Variants in GPI observed in about 807,000 individuals in gnomAD.
GPI encodes the protein glucose-6-phosphate isomerase, also known as D-hexose-6-phosphate anomerase.
Under a neutral mutation model 75.8 loss-of-function variants are expected in GPI, and 56 were observed. That is an observed-to-expected ratio of 0.74 (90% CI 0.60 to 0.92). The LOEUF (loss-of-function observed/expected upper bound fraction) is 0.92. GPI is among the 40% of genes least tolerant of loss of function. The probability of loss-of-function intolerance (pLI) is 0.00; values close to 1 mark genes in which losing one functional copy is unlikely to be tolerated. For synonymous variants in GPI, 288 were observed against 285.4 expected, an observed-to-expected ratio of 1.01 and a Z score of -0.09; for missense variants, 638 against 741.0, an observed-to-expected ratio of 0.86 and a Z score of 1.61.
intron 7 of GPI, 129 bp downstream of exon 7, chr19:34,379,134 G>C (rs1316641372): frequency 2.5e-6 from 2 of 805,236 alleles, no homozygotes; most frequent in Non-Finnish European, 4.4e-6. Flanking sequence ...GCCGGTGCCT[G>C]CCTTTGCTAG....
At chr19:34,373,162 G>A (rs139175316) in intron 4 of GPI, among the ~76,000 whole-genome samples, 51 of 151,780 alleles carry the variant, frequency 3.4e-4, no homozygotes, top group Middle Eastern at 3.4e-3. Context: ...CGAGGTGGGC[G>A]GATCACTTCA....
At chr19:34,362,806 A>G (rs1374174232), upstream of GPI, among the ~76,000 whole-genome samples, 2 of 152,212 alleles carry the variant, frequency 1.3e-5, no homozygotes, top group African/African-American at 4.8e-5. Context: ...GCTTAACACC[A>G]TAAAAAGCAG....
chr19:34,368,013 TG>T (rs8191366), intron 3 of GPI, among the ~76,000 whole-genome samples: 22 of 152,324 alleles, frequency 1.4e-4, no homozygotes, highest in Middle Eastern at 3.4e-3. Flanking sequence ...CTCTGTCTAA[TG>T]GGTTCAGGCG....
rs1464342202 is a variant in GPI, at chr19:34,393,777, T to A, written c.909+6T>A. 1.2e-6 allele frequency: 2 copies of A among 1,612,784 alleles called. No homozygotes were observed. Among genetic ancestry groups the A allele is most frequent in the Admixed American group, 3.3e-5 (2 of 60,002 alleles). ...TCTCGGGGGCTCACTGGATGGTGAG[T>A]GCTGAGGCTGGTTCTCTGCCAAGTG... On this transcript the variant is annotated splice_donor_region_variant and intron_variant, in intron 11 of 17. Transcript: ENST00000356487. This position sits in a 1 kb window ranked among gnomAD's most constrained non-coding sequence, Gnocchi z 4.4.
At chr19:34,375,614 A>C (rs1280717190) in intron 4 of GPI, among the ~76,000 whole-genome samples, 10 of 152,202 alleles carry the variant, frequency 6.6e-5, no homozygotes, top group Non-Finnish European at 7.3e-5. Flanking sequence ...CCCCCTCTAA[A>C]GTGTCCCATA....
intron 4 of GPI, among the ~76,000 whole-genome samples, chr19:34,376,319 G>GC (rs2074535280): frequency 6.6e-6 from 1 of 152,188 alleles, no homozygotes; most frequent in Non-Finnish European, 1.5e-5. Context: ...GCTTTGGGAG[G>GC]CCGAGGCAGG....
chr19:34,391,339 G>A (rs551774216), intron 9 of GPI, among the ~76,000 whole-genome samples: 4 of 61,226 alleles, frequency 6.5e-5, no homozygotes, highest in Non-Finnish European at 1.5e-4. Context: ...CCATGTCTGA[G>A]GAGTTACCAT....
intron 3 of GPI, among the ~76,000 whole-genome samples, chr19:34,368,185 TTCCGGGA>T: frequency 6.6e-6 from 1 of 152,328 alleles, no homozygotes; most frequent in South Asian, 2.1e-4. Context: ...CCTCCCAGAG[TTCCGGGA>T]TTACAGGCGT....
At chr19:34,365,435 C>G (rs781364807) in intron 1 of GPI, 47 bp downstream of exon 1, 133 of 1,510,936 alleles carry the variant, frequency 8.8e-5, no homozygotes, top group Admixed American at 5.0e-4. Flanking sequence ...GCGCCCGGAA[C>G]CGGGCACGCG....
At chr19:34,379,480 C>G (rs2074607434) in intron 7 of GPI, 38 bp from the exon 8 acceptor site, 1 of 1,602,554 alleles carries the variant, frequency 6.2e-7, no homozygotes, top group African/African-American at 1.3e-5. Context: ...CTTTGTCTCC[C>G]TGGGCTGGCT....
In GPI at chr19:34,400,328, A is replaced by T; in HGVS notation, c.*292A>T. 2 of 594,992 alleles carry T rather than the reference A, an allele frequency of 3.4e-6. No homozygotes were observed. The highest frequency in any genetic ancestry group is 4.5e-4 in the Middle Eastern group (1 of 2,228). 36.9% of individuals were successfully genotyped at this position (594,992 alleles called of 1,614,324 possible). On this transcript the variant is annotated 3_prime_UTR_variant, in exon 18 of 18. Transcript: ENST00000356487. ...TAGAAAAATAAAGATGCCACGGAGGAGGTTGTAGGCTCAGCCTCTGATTTT... is the reference window on the plus strand; with the variant it reads ...TAGAAAAATAAAGATGCCACGGAGGTGGTTGTAGGCTCAGCCTCTGATTTT...
intron 4 of GPI, among the ~76,000 whole-genome samples, chr19:34,375,165 C>T (rs1405864771): frequency 2.4e-4 from 32 of 135,292 alleles, no homozygotes; most frequent in African/African-American, 7.0e-4. Flanking sequence ...TTTTTTAAGA[C>T]GGAGTCTTGC....
chr19:34,361,307 T>C (rs562064641), upstream of GPI, among the ~76,000 whole-genome samples: 11 of 152,170 alleles, frequency 7.2e-5, no homozygotes, highest in African/African-American at 2.6e-4. Context: ...TTGCTCAGGC[T>C]GGTCTCGAAC....
At chr19:34,376,580 A>AG (rs1201069391) in intron 4 of GPI, among the ~76,000 whole-genome samples, 1 of 150,440 alleles carries the variant, frequency 6.6e-6, no homozygotes, top group Non-Finnish European at 1.5e-5. Context: ...AAAAAAAAAA[A>AG]GGCTAAAGCA....
chr19:34,384,449 G>A (rs1051821909), intron 9 of GPI, among the ~76,000 whole-genome samples: 6 of 152,178 alleles, frequency 3.9e-5, no homozygotes, highest in African/African-American at 1.4e-4. Flanking sequence ...GTTAAGCATG[G>A]TGGGTAGAGT....
chr19:34,366,734 G>A lies in GPI; in HGVS notation c.214-49G>A, dbSNP rs778657302. On this transcript the variant is annotated intron_variant, in intron 2 of 17. Coordinates refer to ENST00000356487, the MANE Select transcript of GPI (RefSeq NM_000175.5). ...GCCTTGTGTTTGGGGGCTGACACTT[G>A]GGGTGGCCAGTGTGGGTGGGACCAG... The A allele has an allele frequency of 3.9e-6, 5 of 1,287,350 alleles. No individual in the cohort carries two copies. The South Asian group carries it at 5.9e-5, about 15-fold the overall frequency. The allele number at this position is 1,287,350 out of a possible 1,614,324, so 79.7% of individuals were successfully genotyped here.
chr19:34,393,618 G>T lies in GPI; in HGVS notation c.866-110G>T. Reference sequence around the variant, plus strand: ...GTCTAGGTCCGAGTCCTCCCATGTCGTATCTTCTGGCTCTCCATGCAGCCT... The same window carrying T: ...GTCTAGGTCCGAGTCCTCCCATGTCTTATCTTCTGGCTCTCCATGCAGCCT... On this transcript the variant is annotated intron_variant, in intron 10 of 17. Transcript: ENST00000356487. This position sits in a 1 kb window ranked among gnomAD's most constrained non-coding sequence, Gnocchi z 4.4. The T allele has an allele frequency of 9.3e-7, 1 of 1,069,584 alleles. No homozygotes were observed. The highest frequency in any genetic ancestry group is 2.4e-5 in the East Asian group (1 of 42,286). The allele number at this position is 1,069,584 out of a possible 1,614,324, so 66.3% of individuals were successfully genotyped here. A position where few individuals can be genotyped will look rare whatever the true frequency, so the allele number is the denominator to read the frequency against.
chr19:34,380,609 G>A (rs757403160), intron 8 of GPI, among the ~76,000 whole-genome samples: 9 of 152,196 alleles, frequency 5.9e-5, no homozygotes, highest in Non-Finnish European at 1.3e-4. Flanking sequence ...AGTAGGTGAT[G>A]CCAGGATTAG....
At chr19:34,366,287 C>A (rs749211585) in intron 1 of GPI, 58 bp from the exon 2 acceptor site, 1 of 1,110,330 alleles carries the variant, frequency 9.0e-7, no homozygotes, top group Non-Finnish European at 1.4e-6. Flanking sequence ...CTGCTTAGGG[C>A]ATGGCTCCCC....
Sources: gnomAD v4.1 joint callset for allele counts (sites outside exome capture counted in the v4.1 genomes callset) on GRCh38, gnomAD v4.1.1 for gene constraint, Gnocchi (gnomAD v3.1) non-coding constraint, MANE v1.5 for transcripts, NCBI Gene and HGNC (gene_info 2026-07-23, HGNC 2026-07-21) for gene names.